The following CATSPERD variants were observed in gnomAD, a reference collection of about 807,000 sequenced individuals.
The protein encoded by CATSPERD is catsper channel auxiliary subunit delta.
CATSPERD carries 86 observed loss-of-function variants against 98.1 expected under a neutral mutation model. That is an observed-to-expected ratio of 0.88 (90% CI 0.74 to 1.05). The LOEUF is 1.05. Among genes scored for constraint, CATSPERD ranks in the 50% least tolerant of loss-of-function variants. The probability of loss-of-function intolerance (pLI) is 0.00; values close to 1 mark genes in which losing one functional copy is unlikely to be tolerated. For missense variants in CATSPERD, 995 were observed against 1,005.7 expected (o/e 0.99, Z 0.14); for synonymous variants, 394 against 390.2 (o/e 1.01, Z -0.12).
chr19:5,766,534 G>T lies in CATSPERD; in HGVS notation c.1559+379G>T, dbSNP rs1262316011. ...GGGAGGAGAGTAGTTGACAGGGCAC[G>T]ATTAGCCACATGGTAACAATTGCTG... On this transcript the variant is annotated intron_variant, in intron 17 of 21. Transcript: ENST00000381624. Among the ~76,000 whole-genome samples, 6 of 151,832 alleles carry T rather than the reference G, an allele frequency of 4.0e-5. No individual in the cohort carries two copies. The South Asian group carries it at 1.2e-3, about 31-fold the overall frequency.
At chr19:5,762,071 T>A (rs2056451607) in intron 15 of CATSPERD, among the ~76,000 whole-genome samples, 1 of 86,870 alleles carries the variant, frequency 1.2e-5, no homozygotes, top group African/African-American at 3.9e-5. Context: ...TTTTTTTTTT[T>A]TTTTTTTTTT....
Position 5,772,171 on chromosome 19 carries a change from C to A in CATSPERD, c.1764-617C>A, listed in dbSNP as rs548117979. 283 of 407,996 alleles carry A rather than the reference C, an allele frequency of 6.9e-4. 4 individuals are homozygous for A. Among genetic ancestry groups the A allele is most frequent in the South Asian group, 4.8e-3 (277 of 57,308 alleles). 25.3% of individuals were successfully genotyped at this position (407,996 alleles called of 1,614,324 possible). ...CAAGCGGTCCTCCTGCCTCAGCCTC[C>A]CAAGTAGCTGGGACTGCAGTTGCAT... is the stretch of plus-strand genomic sequence containing the variant. On this transcript the variant is annotated intron_variant, in intron 19 of 21. Transcript: ENST00000381624.
rs548436967 is a variant in CATSPERD, at chr19:5,750,714, G to A, written c.988-933G>A. 1.5e-4 allele frequency among the ~76,000 whole-genome samples: 23 copies of A among 151,944 alleles called. No individual in the cohort carries two copies. In the East Asian group the frequency reaches 2.2e-3, roughly 14 times the overall value. On this transcript the variant is annotated intron_variant, in intron 11 of 21. Transcript: ENST00000381624. ...CGTGCCACTGCACTCCAGCCTGGGC[G>A]ACAGAGTGAGGCTCCATCTCAAAAA...
rs753101571 is a variant in CATSPERD, at chr19:5,739,335, A to G, written c.469A>G (p.Asn157Asp). Residue 157 changes from asparagine to aspartate, a missense_variant, in exon 7 of 22, where the codon AAT becomes GAT. By Grantham distance (23) the Asn-to-Asp change is conservative. This residue lies in a region of CATSPERD where 228 missense variants were observed against 209.6 expected (regional missense o/e 1.09). Transcript: ENST00000381624. Reference protein sequence around the residue: ...TGSLFCVHVSNLVFAYFRGDQ... With the variant: ...TGSLFCVHVSDLVFAYFRGDQ... Reference sequence around the variant, plus strand: ...TTTTTTTTTTTTATAGCATGTCAGTAATTTGGTTTTTGCATATTTCCGTGG... The same window carrying G: ...TTTTTTTTTTTTATAGCATGTCAGTGATTTGGTTTTTGCATATTTCCGTGG... 4 of 1,525,872 alleles carry G rather than the reference A, an allele frequency of 2.6e-6. No individual in the cohort carries two copies. In the Admixed American group the frequency reaches 7.2e-5, roughly 27 times the overall value. 94.5% of individuals were successfully genotyped at this position (1,525,872 alleles called of 1,614,324 possible). A position where few individuals can be genotyped will look rare whatever the true frequency, so the allele number is the denominator to read the frequency against.
At chr19:5,773,968 CTTTTT>C (rs71172771) in intron 20 of CATSPERD, among the ~76,000 whole-genome samples, 60 of 120,406 alleles carry the variant, frequency 5.0e-4, no homozygotes, top group Non-Finnish European at 7.7e-4. Flanking sequence ...TTTGCATTTG[CTTTTT>C]TTTTTTTTTT....
At chr19:5,722,334 G>A (rs1247796422) in intron 1 of CATSPERD, among the ~76,000 whole-genome samples, 5 of 152,036 alleles carry the variant, frequency 3.3e-5, no homozygotes, top group African/African-American at 1.2e-4. Context: ...TGTTGCCCAG[G>A]TTGGTCTCGA....
Position 5,739,400 on chromosome 19 carries a change from TG to T in CATSPERD, c.539del (p.Gly180AspfsTer19). ...SQTYIYYSNT[G>X]GFSFWKYHYD... Reference sequence around the variant, plus strand: ...AGACTTATATATATTATTCAAATACTGGGGGATTCAGTTTTTGGAAGTATCA... The same window carrying T: ...AGACTTATATATATTATTCAAATACTGGGGATTCAGTTTTTGGAAGTATCA... On this transcript the variant is annotated frameshift_variant, in exon 7 of 22. Coordinates refer to ENST00000381624, the MANE Select transcript of CATSPERD (RefSeq NM_152784.4). LOFTEE classifies it high-confidence loss of function. 6.3e-7 allele frequency: 1 copy of T among 1,582,640 alleles called. No homozygotes were observed.
intron 4 of CATSPERD, among the ~76,000 whole-genome samples, chr19:5,733,620 C>G (rs1435719654): frequency 4.6e-5 from 7 of 151,914 alleles, no homozygotes; most frequent in African/African-American, 1.7e-4. Context: ...CCACAACTGG[C>G]TAATTTTCGT....
intron 7 of CATSPERD, among the ~76,000 whole-genome samples, chr19:5,741,642 T>C (rs2055965464): frequency 1.3e-5 from 2 of 151,932 alleles, no homozygotes; most frequent in Admixed American, 1.3e-4. Context: ...AGCAGGAAAC[T>C]GACTTGGAAG....
At chr19:5,762,060 T>A (rs865979162) in intron 15 of CATSPERD, among the ~76,000 whole-genome samples, 253 of 11,982 alleles carry the variant, frequency 0.021, 2 homozygotes, top group African/African-American at 0.071. Flanking sequence ...ATATATATAT[T>A]TTTTTTTTTT....
chr19:5,751,321 G>A (rs191661802), intron 11 of CATSPERD, among the ~76,000 whole-genome samples: 3 of 145,850 alleles, frequency 2.1e-5, no homozygotes, highest in African/African-American at 5.1e-5. Context: ...TCAGGAGATC[G>A]ACACCATCCT....
intron 16 of CATSPERD, among the ~76,000 whole-genome samples, 183 bp from the exon 17 acceptor site, chr19:5,765,920 G>C (rs190860241): frequency 4.6e-5 from 7 of 152,176 alleles, no homozygotes; most frequent in African/African-American, 1.7e-4. Context: ...GGCTCTCAGA[G>C]CTTAAGCTCC....
At chr19:5,728,090 T>G (rs1260815854) in intron 3 of CATSPERD, among the ~76,000 whole-genome samples, 1 of 148,958 alleles carries the variant, frequency 6.7e-6, no homozygotes, top group African/African-American at 2.5e-5. Context: ...CCAGGCGCAG[T>G]GGCTAACCTC....
chr19:5,778,313 A>G, intron 21 of CATSPERD, 63 bp from the exon 22 acceptor site: 1 of 1,476,942 alleles, frequency 6.8e-7, no homozygotes, highest in Non-Finnish European at 9.3e-7. Context: ...CCTTTGCCAG[A>G]GATAAGGCGA....
intron 4 of CATSPERD, among the ~76,000 whole-genome samples, chr19:5,731,400 A>G (rs1037963902): frequency 2.6e-5 from 4 of 151,704 alleles, no homozygotes; most frequent in African/African-American, 9.7e-5. Flanking sequence ...AGGTGGGAAG[A>G]TTGCTTGAGC....
chr19:5,764,425 T>C (rs8112484), intron 16 of CATSPERD, among the ~76,000 whole-genome samples: 123,657 of 151,142 alleles, frequency 0.82, 50,823 homozygotes, highest in Non-Finnish European at 0.86. Context: ...ACGCCATTCT[T>C]CTGCCTCAGC....
At chr19:5,752,398 C>G (rs1182441489) in intron 12 of CATSPERD, among the ~76,000 whole-genome samples, 2 of 151,662 alleles carry the variant, frequency 1.3e-5, no homozygotes, top group African/African-American at 2.4e-5. Flanking sequence ...CACTTGAGCC[C>G]AGGAGTTCGA....
chr19:5,733,668 G>A (rs955708781), intron 4 of CATSPERD, among the ~76,000 whole-genome samples, 188 bp from the exon 5 acceptor site: 1 of 151,856 alleles, frequency 6.6e-6, no homozygotes, highest in Non-Finnish European at 1.5e-5. Context: ...TGTTGGCCAG[G>A]CTGGTCTCAA....
At chr19:5,731,559 A>AGTTTTTTT (rs2055718650) in intron 4 of CATSPERD, among the ~76,000 whole-genome samples, 1 of 78,508 alleles carries the variant, frequency 1.3e-5, no homozygotes, top group Non-Finnish European at 2.6e-5. Context: ...GACACTTAAC[A>AGTTTTTTT]GTTTTTTTTT....
Sources: allele counts gnomAD v4.1 joint callset (sites outside exome capture counted in the v4.1 genomes callset), GRCh38; gene constraint gnomAD v4.1.1; regional missense constraint gnomAD v4.1.1; transcripts MANE v1.5; gene names NCBI Gene and HGNC (gene_info 2026-07-23, HGNC 2026-07-21).